BARX2: variants seen among roughly 807,000 people sequenced by gnomAD.
BARX2 encodes homeobox protein BarH-like 2.
BARX2 carries 11 observed loss-of-function variants against 25.5 expected under a neutral mutation model. The ratio of observed to expected loss-of-function variants is 0.43; its 90% confidence interval spans 0.27 to 0.71. The LOEUF is 0.71. Among genes scored for constraint, BARX2 ranks in the 30% least tolerant of loss-of-function variants. The probability of loss-of-function intolerance (pLI) is 0.19; values close to 1 mark genes in which losing one functional copy is unlikely to be tolerated. For missense variants in BARX2, 360 were observed against 359.9 expected (o/e 1.00, Z 0.00); for synonymous variants, 137 against 149.5 (o/e 0.92, Z 0.61).
chr11:129,392,286 G>T (rs935804731), intron 1 of BARX2, among the ~76,000 whole-genome samples: 2 of 152,218 alleles, frequency 1.3e-5, no homozygotes, highest in African/African-American at 4.8e-5. Context: ...AACCTGATTT[G>T]CTGCAACTTC....
chr11:129,442,874 G>A lies in BARX2; in HGVS notation c.528G>A (p.Gln176=). Residue 176 remains glutamine, a synonymous_variant, in exon 3 of 4, where the codon CAG becomes CAA. Transcript: ENST00000281437. ...LAQSLGLTQL[Q]VKTWYQNRRM... ...AGTCTCTGGGACTCACTCAGCTGCA[G>A]GTGAAGACCTGGTATCAGAATCGCA... 6.2e-7 allele frequency: 1 copy of A among 1,614,012 alleles called. No individual in the cohort carries two copies. The highest frequency in any genetic ancestry group is 8.5e-7 in the Non-Finnish European group (1 of 1,179,956).
intron 1 of BARX2, among the ~76,000 whole-genome samples, chr11:129,433,680 T>C (rs1469385324): frequency 1.3e-5 from 2 of 152,100 alleles, no homozygotes; most frequent in African/African-American, 2.4e-5. Context: ...CTCCAGGCTC[T>C]CCTCTGCGTG....
At chr11:129,440,141 GTGTT>G (rs1000513806) in intron 2 of BARX2, among the ~76,000 whole-genome samples, 1 of 152,156 alleles carries the variant, frequency 6.6e-6, no homozygotes, top group African/African-American at 2.4e-5. Flanking sequence ...CTCCTCCTCT[GTGTT>G]TGTTTCTCCA....
At chr11:129,394,260 G>A (rs1047577709) in intron 1 of BARX2, among the ~76,000 whole-genome samples, 2 of 152,164 alleles carry the variant, frequency 1.3e-5, no homozygotes, top group South Asian at 2.1e-4. Context: ...TGTCCAGTGT[G>A]TACATAAACC....
At chr11:129,389,081 A>G (rs1047169235) in intron 1 of BARX2, among the ~76,000 whole-genome samples, 4 of 152,186 alleles carry the variant, frequency 2.6e-5, no homozygotes, top group African/African-American at 9.7e-5. Flanking sequence ...TATGACACGT[A>G]ATTTCCTCAT....
intron 1 of BARX2, among the ~76,000 whole-genome samples, chr11:129,385,365 G>A (rs1480942003): frequency 6.6e-6 from 1 of 152,170 alleles, no homozygotes; most frequent in Non-Finnish European, 1.5e-5. Flanking sequence ...TGTGTGTTAT[G>A]TTAGTAAAAA....
At chr11:129,394,375 TAAGTG>T (rs1202043245) in intron 1 of BARX2, among the ~76,000 whole-genome samples, 1 of 152,344 alleles carries the variant, frequency 6.6e-6, no homozygotes, top group East Asian at 1.9e-4. Flanking sequence ...AGGACTCACT[TAAGTG>T]AAATAGTTTT....
chr11:129,385,260 C>T (rs1468198542), intron 1 of BARX2, among the ~76,000 whole-genome samples: 11 of 152,112 alleles, frequency 7.2e-5, no homozygotes, highest in Non-Finnish European at 1.0e-4. Flanking sequence ...AAGCTGCAGA[C>T]GCACATACCC....
Position 129,381,375 on chromosome 11 carries a change from G to GTTTGT in BARX2, c.187+5171_187+5175dup, listed in dbSNP as rs374127750. ...TAGAACCATTGCTAAGCCCTTCTTTGTTTGTTTTGTTTTGTTTTGTTTGTT... is the reference window on the plus strand; with the variant it reads ...TAGAACCATTGCTAAGCCCTTCTTTGTTTGTTTTGTTTTGTTTTGTTTTGTTTGTT... On this transcript the variant is annotated intron_variant, in intron 1 of 3. Transcript: ENST00000281437. 5.9e-3 allele frequency among the ~76,000 whole-genome samples: 898 copies of GTTTGT among 152,054 alleles called. 4 individuals carry two copies. The highest frequency in any genetic ancestry group is 0.017 in the Middle Eastern group (5 of 294).
At chr11:129,383,284 A>G (rs910791850) in intron 1 of BARX2, among the ~76,000 whole-genome samples, 1 of 152,240 alleles carries the variant, frequency 6.6e-6, no homozygotes, top group Non-Finnish European at 1.5e-5. Flanking sequence ...CTAATTACTC[A>G]TCATCACCAG....
chr11:129,444,833 C>G (rs928249188), intron 3 of BARX2, among the ~76,000 whole-genome samples: 18 of 151,902 alleles, frequency 1.2e-4, no homozygotes, highest in East Asian at 3.9e-4. Flanking sequence ...GAAGTCCCGC[C>G]TCTACTAAAA....
At chr11:129,418,669 C>T (rs1397427668) in intron 1 of BARX2, among the ~76,000 whole-genome samples, 1 of 152,114 alleles carries the variant, frequency 6.6e-6, no homozygotes, top group African/African-American at 2.4e-5. Flanking sequence ...CGAATGAAAA[C>T]ATATCCTTTA....
chr11:129,420,198 C>A (rs762231025), intron 1 of BARX2, among the ~76,000 whole-genome samples: 4 of 152,020 alleles, frequency 2.6e-5, no homozygotes, highest in Admixed American at 6.6e-5. Flanking sequence ...CATGTATTAG[C>A]CAAATTTGGG....
intron 1 of BARX2, among the ~76,000 whole-genome samples, chr11:129,399,683 C>T (rs1484274991): frequency 1.3e-5 from 2 of 152,160 alleles, no homozygotes; most frequent in African/African-American, 4.8e-5. Context: ...GCAGTGTGCC[C>T]AGAATAGCAG....
intron 1 of BARX2, among the ~76,000 whole-genome samples, chr11:129,400,984 G>T (rs964493454): frequency 1.1e-4 from 17 of 152,228 alleles, no homozygotes; most frequent in African/African-American, 3.9e-4. Context: ...AGACTGAAAA[G>T]TGGTCAGAGC....
Position 129,427,389 on chromosome 11 carries a change from G to GT in BARX2, c.188-9354dup, listed in dbSNP as rs1057072682. ...AATACTTCGGTGTGGGTGATTTTATGTTTTTTTTCTAGGAAACTCAGCTAT... is the reference window on the plus strand; with the variant it reads ...AATACTTCGGTGTGGGTGATTTTATGTTTTTTTTTCTAGGAAACTCAGCTAT... On this transcript the variant is annotated intron_variant, in intron 1 of 3. Coordinates refer to ENST00000281437, the MANE Select transcript of BARX2 (RefSeq NM_003658.5). Among the ~76,000 whole-genome samples the GT allele has an allele frequency of 1.7e-3, 253 of 152,028 alleles. 3 individuals are homozygous for GT. The highest frequency in any genetic ancestry group is 6.1e-3 in the African/African-American group (251 of 41,458).
intron 1 of BARX2, among the ~76,000 whole-genome samples, chr11:129,434,471 C>T (rs1445078964): frequency 1.4e-5 from 2 of 147,970 alleles, no homozygotes; most frequent in Non-Finnish European, 3.0e-5. Context: ...CACTCTGTTG[C>T]CCAGGCTGGT....
chr11:129,447,967 C>T (rs954592698), intron 3 of BARX2, among the ~76,000 whole-genome samples: 12 of 152,188 alleles, frequency 7.9e-5, no homozygotes, highest in Non-Finnish European at 2.9e-5. Flanking sequence ...AAAAGAAATA[C>T]AGGGAACGTC....
chr11:129,393,050 C>A (rs1466335311), intron 1 of BARX2, among the ~76,000 whole-genome samples: 1 of 152,056 alleles, frequency 6.6e-6, no homozygotes, highest in Non-Finnish European at 1.5e-5. Context: ...ACAGGAGGAT[C>A]ATTTGAGCCC....
Sources: gnomAD v4.1 joint callset for allele counts (sites outside exome capture counted in the v4.1 genomes callset) on GRCh38, gnomAD v4.1.1 for gene constraint, MANE v1.5 for transcripts, NCBI Gene and HGNC (gene_info 2026-07-23, HGNC 2026-07-21) for gene names.